The following ATXN1L variants were observed in gnomAD, a reference collection of about 807,000 sequenced individuals.
ATXN1L encodes the protein ataxin 1 like, also known as ataxin-1-like.
ATXN1L carries 8 observed loss-of-function variants against 43.4 expected under a neutral mutation model. The observed-to-expected ratio is 0.18, with a 90% CI of 0.11 to 0.33. ATXN1L has a LOEUF of 0.33. ATXN1L is among the 10% of genes least tolerant of loss of function. ATXN1L has a pLI of 1.00. For missense variants in ATXN1L, 856 were observed against 885.4 expected (o/e 0.97, Z 0.42); for synonymous variants, 379 against 360.6 (o/e 1.05, Z -0.58).
intron 2 of ATXN1L, among the ~76,000 whole-genome samples, chr16:71,849,338 T>G (rs565035682): frequency 6.6e-6 from 1 of 150,630 alleles, no homozygotes; most frequent in African/African-American, 2.4e-5. Context: ...TGACTAACCG[T>G]GAAGCTGTTG....
In ATXN1L at chr16:71,851,883, T is replaced by C; in HGVS notation, c.*73T>C. On this transcript the variant is annotated 3_prime_UTR_variant, in exon 3 of 3. Transcript: ENST00000427980. This position sits in a 1 kb window ranked among gnomAD's most constrained non-coding sequence, Gnocchi z 4.9. ...CGCCGCCGTGAGCAGGCAGAGGATT[T>C]GCACACGCCGAGCAGGGAATGGCTT... 1 of 1,362,856 alleles carries C rather than the reference T, an allele frequency of 7.3e-7. No homozygotes were observed. Among genetic ancestry groups the C allele is most frequent in the Non-Finnish European group, 9.5e-7 (1 of 1,047,450 alleles). 84.4% of individuals were successfully genotyped at this position (1,362,856 alleles called of 1,614,324 possible).
Position 71,855,038 on chromosome 16 carries a change from C to A in ATXN1L, c.*3228C>A. On this transcript the variant is annotated 3_prime_UTR_variant, in exon 3 of 3. Transcript: ENST00000427980. ...TCATAACACCAAGGGCTTTGCCCTG[C>A]GCTGCTTTGCCACTGCTGCTGTCCG... 1 of 167,522 alleles carries A rather than the reference C, an allele frequency of 6.0e-6. No homozygotes were observed. Among genetic ancestry groups the A allele is most frequent in the Non-Finnish European group, 1.5e-5 (1 of 68,356 alleles). 10.4% of individuals were successfully genotyped at this position (167,522 alleles called of 1,614,324 possible). A position where few individuals can be genotyped will look rare whatever the true frequency, so the allele number is the denominator to read the frequency against.
In ATXN1L at chr16:71,852,939, C is replaced by T; in HGVS notation, c.*1129C>T. 6.0e-6 allele frequency: 1 copy of T among 167,102 alleles called. No homozygotes were observed. Among genetic ancestry groups the T allele is most frequent in the East Asian group, 1.9e-4 (1 of 5,190 alleles). The allele number at this position is 167,102 out of a possible 1,614,324, so 10.4% of individuals were successfully genotyped here. A position where few individuals can be genotyped will look rare whatever the true frequency, so the allele number is the denominator to read the frequency against. ...CAGCTATAATCTCTATTTTTAAAAT[C>T]TCAAAATCATGTCCCCTCCACTTCC... On this transcript the variant is annotated 3_prime_UTR_variant, in exon 3 of 3. Coordinates refer to ENST00000427980, the MANE Select transcript of ATXN1L (RefSeq NM_001137675.4).
At position 71,850,216 on chromosome 16, in the gene ATXN1L, T is replaced by G. The variant is rs2033483754; in HGVS notation, c.476T>G (p.Leu159Arg). The G allele has an allele frequency of 1.9e-6, 3 of 1,551,566 alleles. No homozygotes were observed. The highest frequency in any genetic ancestry group is 3.9e-5 in the Admixed American group (2 of 50,974). The change falls in exon 3 of 3, where the codon CTC becomes CGC. Residue 159 changes from leucine to arginine, a missense_variant. Physicochemically the swap from Leu to Arg is moderately radical, Grantham distance 102. Around this residue, in one of 7 missense-constraint regions of ATXN1L, gnomAD observed 490 missense variants for 449.4 expected, o/e 1.09. Coordinates refer to ENST00000427980, the MANE Select transcript of ATXN1L (RefSeq NM_001137675.4). The stretch of plus-strand genomic sequence containing the variant: ...CCACCTAATTTCCTACCGAGTCCCC[T>G]CCTATCTCCTTCTGCCAACCTTGCC... ...AVPPNFLPSP[L>R]LSPSANLATS...
rs1416796286 is a variant in ATXN1L, at chr16:71,851,399, C to G, written c.1659C>G (p.Ser553=). The G allele has an allele frequency of 2.6e-6, 4 of 1,551,544 alleles. No individual in the cohort carries two copies. Among genetic ancestry groups the G allele is most frequent in the Middle Eastern group, 3.3e-4 (2 of 5,992 alleles). ...HPFFVYGQGW[S]SCSPGRTTQL... is the part of the protein sequence containing the mutation. ...TCTTTGTATATGGCCAGGGTTGGTC[C>G]TCTTGCAGCCCTGGGCGGACGACAC... Residue 553 remains serine (S), a synonymous_variant, in exon 3 of 3, where the codon TCC becomes TCG. Coordinates refer to ENST00000427980, the MANE Select transcript of ATXN1L (RefSeq NM_001137675.4). The surrounding 1 kb of genome is among the most constrained non-coding windows in gnomAD (Gnocchi z 4.9).
In ATXN1L at chr16:71,849,678, C is replaced by T; in HGVS notation, c.-63C>T. 4 of 1,448,754 alleles carry T rather than the reference C, an allele frequency of 2.8e-6. No individual in the cohort carries two copies. Among genetic ancestry groups the T allele is most frequent in the Non-Finnish European group, 2.7e-6 (3 of 1,096,748 alleles). The allele number at this position is 1,448,754 out of a possible 1,614,324, so 89.7% of individuals were successfully genotyped here. A position where few individuals can be genotyped will look rare whatever the true frequency, so the allele number is the denominator to read the frequency against. On this transcript the variant is annotated 5_prime_UTR_variant, in exon 3 of 3. Coordinates refer to ENST00000427980, the MANE Select transcript of ATXN1L (RefSeq NM_001137675.4). ...GGGTACAGGGAAGCTACAGAGAAGC[C>T]CCTTCTGATGCCCCAGGGAGCAAGT...
At position 71,851,548 on chromosome 16, in the gene ATXN1L, C is replaced by T; in HGVS notation, c.1808C>T (p.Pro603Leu). Reference protein sequence around the residue: ...ASCAPPSQLGPPRERPERTVL... With the variant: ...ASCAPPSQLGLPRERPERTVL... ...TGTGCTCCCCCAAGCCAGCTGGGTC[C>T]CCCCCGAGAAAGGCCTGAGAGGACG... The change falls in exon 3 of 3, where the codon CCC (proline) becomes CTC (leucine). Residue 603 changes from proline to leucine, a missense_variant. By Grantham distance (98) the Pro-to-Leu change is moderately conservative (BLOSUM62 -3). Around this residue, in one of 7 missense-constraint regions of ATXN1L, gnomAD observed 185 missense variants for 176.8 expected, o/e 1.05. Transcript: ENST00000427980. The surrounding 1 kb of genome is among the most constrained non-coding windows in gnomAD (Gnocchi z 4.9). 6.4e-7 allele frequency: 1 copy of T among 1,551,524 alleles called. No homozygotes were observed. Among genetic ancestry groups the T allele is most frequent in the Non-Finnish European group, 8.7e-7 (1 of 1,146,938 alleles).
At position 71,855,439 on chromosome 16, in the gene ATXN1L, G is replaced by C. The variant is rs1161770761; in HGVS notation, c.*3629G>C. On this transcript the variant is annotated 3_prime_UTR_variant, in exon 3 of 3. Coordinates refer to ENST00000427980, the MANE Select transcript of ATXN1L (RefSeq NM_001137675.4). ...CCAGCATCCCAGTGAAGTTCGTCCA[G>C]CTCCAGTTAGGTGGATTCTGGAGTT... 6.0e-6 allele frequency: 1 copy of C among 167,162 alleles called. No individual in the cohort carries two copies. The highest frequency in any genetic ancestry group is 2.4e-5 in the African/African-American group (1 of 41,460). 10.4% of individuals were successfully genotyped at this position (167,162 alleles called of 1,614,324 possible).
intron 1 of ATXN1L, among the ~76,000 whole-genome samples, chr16:71,846,595 C>T (rs2033446319): frequency 1.3e-5 from 2 of 152,242 alleles, no homozygotes; most frequent in Non-Finnish European, 2.9e-5. Context: ...CCCCTTGATT[C>T]CGACCCAAGC....
At position 71,850,621 on chromosome 16, in the gene ATXN1L, G is replaced by C; in HGVS notation, c.881G>C (p.Gly294Ala). 2 of 1,551,750 alleles carry C rather than the reference G, an allele frequency of 1.3e-6. No individual in the cohort carries two copies. The highest frequency in any genetic ancestry group is 1.4e-5 in the African/African-American group (1 of 73,180). The change falls in exon 3 of 3, where the codon GGT (glycine) becomes GCT (alanine). Residue 294 changes from glycine to alanine, a missense_variant. Transcript: ENST00000427980. The part of the protein sequence containing the change: ...SEALDSPNSK[G>A]EGQGLVPVVE... ...GCCCTTGACTCCCCCAACAGCAAGG[G>C]TGAAGGCCAGGGACTGGTGCCAGTG...
chr16:71,849,013 G>C (rs1423422994), intron 2 of ATXN1L, among the ~76,000 whole-genome samples: 2 of 151,858 alleles, frequency 1.3e-5, no homozygotes, highest in Non-Finnish European at 2.9e-5. Flanking sequence ...GCAGGCGTTC[G>C]AGACTAGCCT....
At position 71,850,722 on chromosome 16, in the gene ATXN1L, C is replaced by G; in HGVS notation, c.982C>G (p.Arg328Gly). ...GGTAGAGGTAGCAGCACCAGCACACCGGGGGACCCCGGACACTGACCTTGA... is the reference window on the plus strand; with the variant it reads ...GGTAGAGGTAGCAGCACCAGCACACGGGGGGACCCCGGACACTGACCTTGA... Reference protein sequence around the residue: ...PRVEVAAPAHRGTPDTDLEVQ... With the variant: ...PRVEVAAPAHGGTPDTDLEVQ... Residue 328 changes from arginine (R) to glycine (G), a missense_variant, in exon 3 of 3, where the codon CGG (arginine) becomes GGG (glycine). This residue lies in a region of ATXN1L where 490 missense variants were observed against 449.4 expected (regional missense o/e 1.09). Coordinates refer to ENST00000427980, the MANE Select transcript of ATXN1L (RefSeq NM_001137675.4). The G allele has an allele frequency of 1.3e-6, 2 of 1,551,672 alleles. No homozygotes were observed. Among genetic ancestry groups the G allele is most frequent in the Non-Finnish European group, 8.7e-7 (1 of 1,146,996 alleles).
Position 71,851,495 on chromosome 16 carries a change from G to C in ATXN1L, c.1755G>C (p.Leu585Phe). The C allele has an allele frequency of 6.4e-7, 1 of 1,551,618 alleles. No homozygotes were observed. Among genetic ancestry groups the C allele is most frequent in the Non-Finnish European group, 8.7e-7 (1 of 1,146,972 alleles). Reference sequence around the variant, plus strand: ...GCATCTCTATCAGTTTACAGAGCTTGAACAGTAACTCAGTTTCTCAGGCCA... The same window carrying C: ...GCATCTCTATCAGTTTACAGAGCTTCAACAGTAACTCAGTTTCTCAGGCCA... ...DVCISISLQS[L>F]NSNSVSQASC... The change falls in exon 3 of 3, where the codon TTG becomes TTC. Residue 585 changes from leucine to phenylalanine, a missense_variant. By Grantham distance (22) the Leu-to-Phe change is conservative. Around this residue, in one of 7 missense-constraint regions of ATXN1L, gnomAD observed 185 missense variants for 176.8 expected, o/e 1.05. Transcript: ENST00000427980. The surrounding 1 kb of genome is among the most constrained non-coding windows in gnomAD (Gnocchi z 4.9).
Position 71,853,979 on chromosome 16 carries a change from G to T in ATXN1L, c.*2169G>T, listed in dbSNP as rs1192885622. On this transcript the variant is annotated 3_prime_UTR_variant, in exon 3 of 3. Transcript: ENST00000427980. ...CTCTGGCTTGTTTCCTACAGTGGGG[G>T]CCTGTGGGGTTGAGTCTTGAGGAAT... is the stretch of plus-strand genomic sequence containing the variant. The T allele has an allele frequency of 6.0e-6, 1 of 167,202 alleles. No homozygotes were observed. The highest frequency in any genetic ancestry group is 1.5e-5 in the Non-Finnish European group (1 of 68,252). The allele number at this position is 167,202 out of a possible 1,614,324, so 10.4% of individuals were successfully genotyped here.
chr16:71,854,274 T>G lies in ATXN1L; in HGVS notation c.*2464T>G, dbSNP rs1336019182. 2 of 167,108 alleles carry G rather than the reference T, an allele frequency of 1.2e-5. No homozygotes were observed. Among genetic ancestry groups the G allele is most frequent in the Non-Finnish European group, 2.9e-5 (2 of 68,126 alleles). The allele number at this position is 167,108 out of a possible 1,614,324, so 10.4% of individuals were successfully genotyped here. On this transcript the variant is annotated 3_prime_UTR_variant, in exon 3 of 3. Coordinates refer to ENST00000427980, the MANE Select transcript of ATXN1L (RefSeq NM_001137675.4). ...TCAAATCACCTTCCACTTGGGCTAC[T>G]TGTGACTTTCCAACCTGGTAACTTC...
chr16:71,855,574 G>A lies in ATXN1L; in HGVS notation c.*3764G>A, dbSNP rs533246956. On this transcript the variant is annotated 3_prime_UTR_variant, in exon 3 of 3. Transcript: ENST00000427980. ...GGGGGAAGCACAGGATGGTGGTGTG[G>A]TTTAAACCTGCAGCAAGCAGGCATG... 1 of 167,254 alleles carries A rather than the reference G, an allele frequency of 6.0e-6. No individual in the cohort carries two copies. Among genetic ancestry groups the A allele is most frequent in the South Asian group, 2.1e-4 (1 of 4,832 alleles). 10.4% of individuals were successfully genotyped at this position (167,254 alleles called of 1,614,324 possible).
rs563270843 is a variant in ATXN1L, at chr16:71,855,457, C to T, written c.*3647C>T. ...TCGTCCAGCTCCAGTTAGGTGGATTCTGGAGTTCGGAGAGGGTTTAAAGTT... is the reference window on the plus strand; with the variant it reads ...TCGTCCAGCTCCAGTTAGGTGGATTTTGGAGTTCGGAGAGGGTTTAAAGTT... On this transcript the variant is annotated 3_prime_UTR_variant, in exon 3 of 3. Coordinates refer to ENST00000427980, the MANE Select transcript of ATXN1L (RefSeq NM_001137675.4). 1 of 167,226 alleles carries T rather than the reference C, an allele frequency of 6.0e-6. No homozygotes were observed. The highest frequency in any genetic ancestry group is 2.1e-4 in the South Asian group (1 of 4,822). The allele number at this position is 167,226 out of a possible 1,614,324, so 10.4% of individuals were successfully genotyped here. A position where few individuals can be genotyped will look rare whatever the true frequency, so the allele number is the denominator to read the frequency against.
chr16:71,851,358 C>T lies in ATXN1L; in HGVS notation c.1618C>T (p.Pro540Ser), dbSNP rs1324278641. 1.3e-6 allele frequency: 2 copies of T among 1,551,542 alleles called. No individual in the cohort carries two copies. Among genetic ancestry groups the T allele is most frequent in the East Asian group, 2.4e-5 (1 of 40,906 alleles). Residue 540 changes from proline (P) to serine (S), a missense_variant, in exon 3 of 3, where the codon CCC (proline) becomes TCC (serine). By Grantham distance (74) the Pro-to-Ser change is moderately conservative. Transcript: ENST00000427980. The surrounding 1 kb of genome is among the most constrained non-coding windows in gnomAD (Gnocchi z 4.9). ...EQQSKVSIEV[P>S]PEHPFFVYGQ... ...GCAGAGCAAAGTGAGCATCGAAGTG[C>T]CCCCCGAGCACCCCTTCTTTGTATA...
chr16:71,855,696 T>C lies in ATXN1L; in HGVS notation c.*3886T>C, dbSNP rs940149379. ...TTGGAGTAAAGATAACCTAGTCGAT[T>C]GAATTGGCCATGGGAAGTTAGGTCA... On this transcript the variant is annotated 3_prime_UTR_variant, in exon 3 of 3. Transcript: ENST00000427980. 6.0e-6 allele frequency: 1 copy of C among 167,022 alleles called. No homozygotes were observed. The highest frequency in any genetic ancestry group is 2.4e-5 in the African/African-American group (1 of 41,406). 10.3% of individuals were successfully genotyped at this position (167,022 alleles called of 1,614,324 possible).
Sources: gnomAD v4.1 joint callset for allele counts (sites outside exome capture counted in the v4.1 genomes callset) on GRCh38, gnomAD v4.1.1 for gene constraint, gnomAD v4.1.1 regional missense constraint, Gnocchi (gnomAD v3.1) non-coding constraint, MANE v1.5 for transcripts, NCBI Gene and HGNC (gene_info 2026-07-23, HGNC 2026-07-21) for gene names.